Variants in CYP2J2 observed in about 807,000 individuals in gnomAD.
CYP2J2 encodes the protein cytochrome P450 family 2 subfamily J member 2.
Under a neutral mutation model 48.8 loss-of-function variants are expected in CYP2J2, and 41 were observed. That is an observed-to-expected ratio of 0.84 (90% CI 0.66 to 1.09). The LOEUF (loss-of-function observed/expected upper bound fraction) is 1.09, where lower values mean the gene tolerates loss of function less well. Ranked by LOEUF, CYP2J2 falls within the 50% of genes least tolerant of loss-of-function variation. The probability of loss-of-function intolerance (pLI) is 0.00; values close to 1 mark genes in which losing one functional copy is unlikely to be tolerated. For missense variants in CYP2J2, 644 were observed against 617.3 expected, an observed-to-expected ratio of 1.04 and a Z score of -0.46; for synonymous variants, 221 against 227.1, an observed-to-expected ratio of 0.97 and a Z score of 0.24.
At chr1:59,948,307 AGAGACTGTTTTATAT>A in the CYP2J2 span, among the ~76,000 whole-genome samples, 2 of 152,188 alleles carry the variant, frequency 1.3e-5, no homozygotes, top group Non-Finnish European at 2.9e-5. Context: ...ACTCACAGTA[AGAGACTGTTTTATAT>A]GAAATCCCCT....
chr1:59,917,471 G>A lies in CYP2J2; in HGVS notation c.211-1371C>T, dbSNP rs144155587. On this transcript the variant is annotated intron_variant, in intron 1 of 8. Transcript: ENST00000371204. ...ATTATAGCTGAAACAACACAGCAAAGGTGACAAAGCTATTGAGTGGTGCAG... is the reference window on the plus strand; with the variant it reads ...ATTATAGCTGAAACAACACAGCAAAAGTGACAAAGCTATTGAGTGGTGCAG... Among the ~76,000 whole-genome samples the A allele has an allele frequency of 2.6e-5, 4 of 152,326 alleles. No individual in the cohort carries two copies. In the East Asian group the frequency reaches 7.7e-4, roughly 29 times the overall value.
Position 59,894,975 on chromosome 1 carries a change from C to T in CYP2J2, c.1331-1146G>A, listed in dbSNP as rs74785098. On this transcript the variant is annotated intron_variant, in intron 8 of 8. Coordinates refer to ENST00000371204, the MANE Select transcript of CYP2J2 (RefSeq NM_000775.4). Reference sequence around the variant, plus strand: ...TAATTTCAAATGTACAAAAAACTTGCAGAGATAGACAAAGAACTTGGCTCT... The same window carrying T: ...TAATTTCAAATGTACAAAAAACTTGTAGAGATAGACAAAGAACTTGGCTCT... Among the ~76,000 whole-genome samples the T allele has an allele frequency of 1.2e-3, 178 of 152,286 alleles. 3 individuals carry two copies. The East Asian group carries it at 0.03, about 26-fold the overall frequency.
intron 1 of CYP2J2, among the ~76,000 whole-genome samples, chr1:59,919,100 C>T (rs1644491037): frequency 6.6e-6 from 1 of 152,128 alleles, no homozygotes; most frequent in African/African-American, 2.4e-5. Flanking sequence ...AGCAGTAGGT[C>T]AGAGGGTCTG....
rs572019494 is a variant in CYP2J2 at position 59,908,791 on chromosome 1, C to T, written c.862-864G>A. Among the ~76,000 whole-genome samples the T allele has an allele frequency of 1.4e-4, 22 of 152,312 alleles. No homozygotes were observed. In the South Asian group the frequency reaches 4.3e-3, roughly 30 times the overall value. Reference sequence around the variant, plus strand: ...TGATATGTGTTAACCAGAGGGGTAACTGTGTTAAAGGTCACGCATCCCATT... The same window carrying T: ...TGATATGTGTTAACCAGAGGGGTAATTGTGTTAAAGGTCACGCATCCCATT... On this transcript the variant is annotated intron_variant, in intron 5 of 8. Coordinates refer to ENST00000371204, the MANE Select transcript of CYP2J2 (RefSeq NM_000775.4).
intron 8 of CYP2J2, among the ~76,000 whole-genome samples, chr1:59,894,555 TC>T (rs1360498795): frequency 6.6e-6 from 1 of 152,178 alleles, no homozygotes; most frequent in East Asian, 1.9e-4. Flanking sequence ...ATTCAGCTTC[TC>T]CCACCTCCTA....
At chr1:59,943,409 G>A in the CYP2J2 span, among the ~76,000 whole-genome samples, 2 of 152,206 alleles carry the variant, frequency 1.3e-5, no homozygotes, top group Admixed American at 1.3e-4. Flanking sequence ...GTGATTAGCT[G>A]ATGTTTTCTG....
rs115453547 is a variant in CYP2J2 at position 59,911,693 on chromosome 1, C to T, written c.599G>A (p.Arg200His). 9.8e-4 allele frequency: 1,581 copies of T among 1,613,538 alleles called. 1 individual carries two copies. The highest frequency in any genetic ancestry group is 1.2e-3 in the Non-Finnish European group (1,466 of 1,179,626). Residue 200 changes from arginine to histidine, a missense_variant, in exon 4 of 9, where the codon CGC becomes CAC. Coordinates refer to ENST00000371204, the MANE Select transcript of CYP2J2 (RefSeq NM_000775.4). ...AAACCAACTATCCTGGTACTCAAAG[C>T]GTTCTCCGAAGGTGATGGAGCAAAT... ...NIICSITFGERFEYQDSWFQQ... is the reference protein window; with the variant it reads ...NIICSITFGEHFEYQDSWFQQ...
the CYP2J2 span, among the ~76,000 whole-genome samples, chr1:59,962,900 A>G: frequency 1.3e-5 from 2 of 152,208 alleles, no homozygotes; most frequent in Non-Finnish European, 1.5e-5. Context: ...CTTTGCAACC[A>G]TCCAGTTTCT....
upstream of CYP2J2, chr1:59,926,872 G>C: frequency 7.2e-6 from 6 of 829,344 alleles, no homozygotes; most frequent in Non-Finnish European, 7.5e-6. Context: ...AGCACCCTGC[G>C]AAGATGCCAG....
the CYP2J2 span, among the ~76,000 whole-genome samples, chr1:59,957,835 G>A: frequency 6.6e-6 from 1 of 152,024 alleles, no homozygotes; most frequent in Non-Finnish European, 1.5e-5. Context: ...CAGAGCATTG[G>A]GGTAAACAGA....
intron 7 of CYP2J2, among the ~76,000 whole-genome samples, chr1:59,903,696 C>A (rs11572296): frequency 6.6e-6 from 1 of 152,136 alleles, no homozygotes; most frequent in African/African-American, 2.4e-5. Flanking sequence ...AGAAAGAGTT[C>A]CACTTGTGAG....
chr1:59,955,126 G>C, the CYP2J2 span, among the ~76,000 whole-genome samples: 6 of 144,690 alleles, frequency 4.1e-5, no homozygotes, highest in Non-Finnish European at 7.6e-5. Flanking sequence ...GATAGAGTGA[G>C]ACCATCTCCA....
upstream of CYP2J2, among the ~76,000 whole-genome samples, chr1:59,930,362 C>T (rs1644597303): frequency 6.6e-6 from 1 of 152,090 alleles, no homozygotes; most frequent in Admixed American, 6.5e-5. Context: ...ATTTTGCATT[C>T]CTAGAAGCTG....
chr1:59,943,084 G>A, the CYP2J2 span, among the ~76,000 whole-genome samples: 5 of 152,138 alleles, frequency 3.3e-5, no homozygotes, highest in South Asian at 1.0e-3. Context: ...ATTCTCTTCT[G>A]GCCATTTTAA....
intron 1 of CYP2J2, among the ~76,000 whole-genome samples, chr1:59,916,605 T>C (rs1393761106): frequency 2.0e-5 from 3 of 152,086 alleles, no homozygotes; most frequent in Non-Finnish European, 2.9e-5. Flanking sequence ...TGGTGGTACA[T>C]GCCTGTGGAC....
the CYP2J2 span, among the ~76,000 whole-genome samples, chr1:59,957,355 C>T: frequency 6.6e-6 from 1 of 151,890 alleles, no homozygotes; most frequent in Non-Finnish European, 1.5e-5. Flanking sequence ...GGGGGTGGGG[C>T]ATGAGGCTAT....
intron 1 of CYP2J2, among the ~76,000 whole-genome samples, chr1:59,921,723 A>C (rs952056571): frequency 2.6e-5 from 4 of 151,820 alleles, no homozygotes; most frequent in Admixed American, 6.5e-5. Flanking sequence ...TAGACCAAAA[A>C]TTCTCAGGAG....
the CYP2J2 span, among the ~76,000 whole-genome samples, chr1:59,943,942 C>G: frequency 6.6e-6 from 1 of 152,120 alleles, no homozygotes; most frequent in African/African-American, 2.4e-5. Flanking sequence ...GAAGTGGAGA[C>G]AGCAACTAAA....
Position 59,893,660 on chromosome 1 carries a change from A to G in CYP2J2, c.1500T>C (p.Pro500=). Residue 500 remains proline (P), a synonymous_variant, in exon 9 of 9, where the codon CCT becomes CCC. Coordinates refer to ENST00000371204, the MANE Select transcript of CYP2J2 (RefSeq NM_000775.4). ...TTCTTTCTTAACAATATTACACCTG[A>G]GGAACAGCGCAGAGGCGGTGACTGA... ...SPVSHRLCAV[P]QV 1.2e-6 allele frequency: 2 copies of G among 1,604,138 alleles called. No homozygotes were observed. The highest frequency in any genetic ancestry group is 2.7e-5 in the African/African-American group (2 of 74,642).
Sources: gnomAD v4.1 joint callset for allele counts (sites outside exome capture counted in the v4.1 genomes callset) on GRCh38, gnomAD v4.1.1 for gene constraint, MANE v1.5 for transcripts, NCBI Gene and HGNC (gene_info 2026-07-23, HGNC 2026-07-21) for gene names.